The following ARRB1 variants were observed in gnomAD, a reference collection of about 807,000 sequenced individuals.
ARRB1 encodes beta-arrestin-1.
Under a neutral mutation model 56.8 loss-of-function variants are expected in ARRB1, and 21 were observed. The observed-to-expected ratio is 0.37, with a 90% CI of 0.26 to 0.53. The LOEUF (loss-of-function observed/expected upper bound fraction) is 0.53, where lower values mean the gene tolerates loss of function less well. Ranked by LOEUF, ARRB1 falls within the 20% of genes least tolerant of loss-of-function variation. The pLI, the probability that ARRB1 is intolerant of heterozygous loss-of-function variation, is 0.88. For missense variants in ARRB1, 424 were observed against 553.7 expected (o/e 0.77, Z 2.35); for synonymous variants, 210 against 218.6 (o/e 0.96, Z 0.35).
intron 1 of ARRB1, among the ~76,000 whole-genome samples, chr11:75,339,728 C>T (rs143015585): frequency 6.6e-5 from 10 of 152,320 alleles, no homozygotes; most frequent in African/African-American, 2.4e-4. Flanking sequence ...TCTCCCAATA[C>T]ATCTGAGCAG....
At position 75,272,994 on chromosome 11, in the gene ARRB1, G is replaced by C; in HGVS notation, c.915-16C>G. On this transcript the variant is annotated splice_polypyrimidine_tract_variant and intron_variant, in intron 11 of 15. Coordinates refer to ENST00000420843, the MANE Select transcript of ARRB1 (RefSeq NM_004041.5). ...TTCCCTCAACCTGCAAAGTGACACA[G>C]GGGAGCCAGTTCAGGGGCCTTGCCA... 6.2e-7 allele frequency: 1 copy of C among 1,613,312 alleles called. No individual in the cohort carries two copies. The highest frequency in any genetic ancestry group is 8.5e-7 in the Non-Finnish European group (1 of 1,179,422).
chr11:75,350,887 T>C (rs1947838035), intron 1 of ARRB1, among the ~76,000 whole-genome samples: 1 of 152,148 alleles, frequency 6.6e-6, no homozygotes. Context: ...GGCTAGCAGC[T>C]CGTGCCTGTG....
At chr11:75,295,670 T>G (rs938961921) in intron 1 of ARRB1, among the ~76,000 whole-genome samples, 1 of 152,234 alleles carries the variant, frequency 6.6e-6, no homozygotes, top group Non-Finnish European at 1.5e-5. Flanking sequence ...AGGATTATGA[T>G]GTAGACATCT....
At chr11:75,311,782 T>C (rs760096153) in intron 1 of ARRB1, among the ~76,000 whole-genome samples, 1 of 152,144 alleles carries the variant, frequency 6.6e-6, no homozygotes, top group Non-Finnish European at 1.5e-5. Context: ...GCTGAAATGG[T>C]CCTCTTCTCA....
intron 1 of ARRB1, among the ~76,000 whole-genome samples, chr11:75,300,829 G>A (rs948163826): frequency 2.9e-4 from 44 of 151,284 alleles, no homozygotes; most frequent in Non-Finnish European, 6.0e-4. Context: ...TTAGCCGGGC[G>A]TGGTGGCGGG....
At chr11:75,276,229 A>G (rs887812140) in intron 10 of ARRB1, among the ~76,000 whole-genome samples, 2 of 151,788 alleles carry the variant, frequency 1.3e-5, no homozygotes, top group Non-Finnish European at 1.5e-5. Flanking sequence ...AAAAATGTGT[A>G]TGTCTTTGAA....
intron 14 of ARRB1, 121 bp downstream of exon 14, chr11:75,268,768 G>C: frequency 1.9e-6 from 2 of 1,076,528 alleles, no homozygotes; most frequent in Non-Finnish European, 2.7e-6. Flanking sequence ...CCCCACAAAA[G>C]ATCTGGGGAC....
chr11:75,312,022 GC>G (rs1947172970), intron 1 of ARRB1: 16 of 1,286,532 alleles, frequency 1.2e-5, no homozygotes, highest in Non-Finnish European at 1.6e-5. Context: ...CAGATCGGAG[GC>G]CCTGCCCAGC....
At chr11:75,274,399 G>A (rs1946145459) in intron 10 of ARRB1, 188 bp from the exon 11 acceptor site, 1 of 631,686 alleles carries the variant, frequency 1.6e-6, no homozygotes, top group African/African-American at 1.8e-5. Context: ...ACTCAAAAGA[G>A]GCACATCTAC....
chr11:75,317,965 G>A (rs1043195929), intron 1 of ARRB1, among the ~76,000 whole-genome samples: 1 of 152,006 alleles, frequency 6.6e-6, no homozygotes, highest in African/African-American at 2.4e-5. Flanking sequence ...ACAAAGTCCT[G>A]ACTCGAAGTC....
At chr11:75,322,379 G>C (rs1947360224) in intron 1 of ARRB1, among the ~76,000 whole-genome samples, 1 of 152,204 alleles carries the variant, frequency 6.6e-6, no homozygotes, top group South Asian at 2.1e-4. Flanking sequence ...GGTGGCACAT[G>C]CCTGTAATCC....
intron 1 of ARRB1, among the ~76,000 whole-genome samples, chr11:75,321,285 C>G (rs1947346569): frequency 6.8e-6 from 1 of 147,254 alleles, no homozygotes; most frequent in African/African-American, 2.5e-5. Context: ...ACCACCATCC[C>G]CCCACCTCTT....
chr11:75,265,003 G>A lies in ARRB1; in HGVS notation c.*1160C>T, dbSNP rs1340195095. 1 of 152,152 alleles carries A rather than the reference G, an allele frequency of 6.6e-6. No homozygotes were observed. The highest frequency in any genetic ancestry group is 2.4e-5 in the African/African-American group (1 of 41,410). 9.4% of individuals were successfully genotyped at this position (152,152 alleles called of 1,614,324 possible). A position where few individuals can be genotyped will look rare whatever the true frequency, so the allele number is the denominator to read the frequency against. On this transcript the variant is annotated 3_prime_UTR_variant, in exon 16 of 16. Coordinates refer to ENST00000420843, the MANE Select transcript of ARRB1 (RefSeq NM_004041.5). ...TCATCAACTCACCAAGAAAAGAAGG[G>A]GCTTATTTGCTACCCAGCAGCCTCC... is the stretch of plus-strand genomic sequence containing the variant.
intron 11 of ARRB1, among the ~76,000 whole-genome samples, chr11:75,273,380 A>T (rs1591896236): frequency 1.3e-5 from 2 of 152,070 alleles, no homozygotes; most frequent in East Asian, 3.8e-4. Flanking sequence ...GCCATCAGAG[A>T]AGGACTTCTC....
intron 1 of ARRB1, among the ~76,000 whole-genome samples, chr11:75,321,355 A>G (rs1947347559): frequency 6.7e-6 from 1 of 149,342 alleles, no homozygotes; most frequent in Non-Finnish European, 1.5e-5. Context: ...TCAGGAAAGT[A>G]GGCAGCCAGG....
At chr11:75,317,272 G>A (rs1322871501) in intron 1 of ARRB1, among the ~76,000 whole-genome samples, 8 of 151,952 alleles carry the variant, frequency 5.3e-5, no homozygotes, top group Non-Finnish European at 8.8e-5. Context: ...GGAAGATGAG[G>A]CCCCCAAAGC....
intron 1 of ARRB1, among the ~76,000 whole-genome samples, chr11:75,333,449 C>A (rs1468536911): frequency 1.3e-5 from 2 of 152,124 alleles, no homozygotes; most frequent in Non-Finnish European, 2.9e-5. Flanking sequence ...GATTGGTGAA[C>A]AAAAATCAGT....
At chr11:75,296,781 G>A (rs1045781848) in intron 1 of ARRB1, among the ~76,000 whole-genome samples, 1 of 151,952 alleles carries the variant, frequency 6.6e-6, no homozygotes, top group Non-Finnish European at 1.5e-5. Context: ...AGGCTCAAGC[G>A]ATTCTCCTGC....
rs193194500 is a variant in ARRB1, at chr11:75,313,858, A to G, written c.21-23819T>C. On this transcript the variant is annotated intron_variant, in intron 1 of 15. Coordinates refer to ENST00000420843, the MANE Select transcript of ARRB1 (RefSeq NM_004041.5). ...ATTCATAATGAGCAACAGAAAAAGC[A>G]TCACAGCCAGGCCTGATGGCTATTG... 2.5e-3 allele frequency among the ~76,000 whole-genome samples: 379 copies of G among 152,334 alleles called. 1 individual carries two copies. Among genetic ancestry groups the G allele is most frequent in the African/African-American group, 8.8e-3 (367 of 41,574 alleles).
Sources: allele counts gnomAD v4.1 joint callset (sites outside exome capture counted in the v4.1 genomes callset), GRCh38; gene constraint gnomAD v4.1.1; transcripts MANE v1.5; gene names NCBI Gene and HGNC (gene_info 2026-07-23, HGNC 2026-07-21).